CDK19: variants seen among roughly 807,000 people sequenced by gnomAD.
CDK19 encodes the protein cyclin dependent kinase 19.
CDK19 carries 20 observed loss-of-function variants against 68.3 expected under a neutral mutation model. The ratio of observed to expected loss-of-function variants is 0.29; its 90% CI spans 0.21 to 0.43. The LOEUF is 0.43. CDK19 is among the 20% of genes least tolerant of loss of function. CDK19 has a pLI of 1.00. For synonymous variants in CDK19, 221 were observed against 222.8 expected (o/e 0.99, Z 0.07); for missense variants, 339 against 623.5 (o/e 0.54, Z 4.86).
At chr6:110,795,046 T>C (rs1583119367) in intron 1 of CDK19, among the ~76,000 whole-genome samples, 1 of 152,184 alleles carries the variant, frequency 6.6e-6, no homozygotes, top group East Asian at 1.9e-4. Context: ...CACAGCTCAC[T>C]GTAGCCTCAA....
intron 4 of CDK19, among the ~76,000 whole-genome samples, chr6:110,660,284 G>A (rs567829582): frequency 6.6e-6 from 1 of 152,222 alleles, no homozygotes; most frequent in South Asian, 2.1e-4. Context: ...GCAGGCGAGT[G>A]GGTACAGGAG....
chr6:110,670,612 C>T (rs1402087797), intron 2 of CDK19, 71 bp from the exon 3 acceptor site: 6 of 892,912 alleles, frequency 6.7e-6, no homozygotes, highest in Non-Finnish European at 1.1e-5. Flanking sequence ...TGTCTTATAA[C>T]TTCAAAACGA....
intron 2 of CDK19, 136 bp from the exon 3 acceptor site, chr6:110,670,677 C>T (rs972224225): frequency 1.5e-6 from 1 of 663,210 alleles, no homozygotes; most frequent in Non-Finnish European, 2.7e-6. Context: ...AAAAATACCA[C>T]CCAAAATACT....
Position 110,613,077 on chromosome 6 carries a change from A to T in CDK19, c.*1458T>A, listed in dbSNP as rs752393765. ...GGCTGGTGCTGCTAGTAGCATTCAG[A>T]AGAACACAAATTTCTTGCCCCTTAC... On this transcript the variant is annotated 3_prime_UTR_variant, in exon 13 of 13. Transcript: ENST00000368911. 4 of 152,636 alleles carry T rather than the reference A, an allele frequency of 2.6e-5. No homozygotes were observed. The highest frequency in any genetic ancestry group is 4.4e-5 in the Non-Finnish European group (3 of 68,044). The allele number at this position is 152,636 out of a possible 1,614,324, so 9.5% of individuals were successfully genotyped here.
chr6:110,754,875 T>C (rs568766854), intron 1 of CDK19, among the ~76,000 whole-genome samples: 2 of 152,284 alleles, frequency 1.3e-5, no homozygotes, highest in South Asian at 2.1e-4. Context: ...TAATAAGTGA[T>C]GTGAGGCATT....
At chr6:110,714,598 A>G (rs1775220136) in intron 2 of CDK19, among the ~76,000 whole-genome samples, 1 of 151,798 alleles carries the variant, frequency 6.6e-6, no homozygotes, top group South Asian at 2.1e-4. Context: ...TTACCATTCT[A>G]ATGGGTGTGA....
chr6:110,698,763 TA>T, intron 2 of CDK19, among the ~76,000 whole-genome samples: 1 of 152,238 alleles, frequency 6.6e-6, no homozygotes, highest in South Asian at 2.1e-4. Context: ...AAGTGCTCAT[TA>T]ACCAATGAGT....
Position 110,621,141 on chromosome 6 carries a change from G to A in CDK19, c.1340C>T (p.Ala447Val). The A allele has an allele frequency of 1.2e-6, 2 of 1,614,078 alleles. No individual in the cohort carries two copies. The highest frequency in any genetic ancestry group is 1.7e-6 in the Non-Finnish European group (2 of 1,179,976). The change falls in exon 12 of 13, where the codon GCA (alanine) becomes GTA (valine). Residue 447 changes from alanine (A) to valine (V), a missense_variant. Ala to Val is a moderately conservative substitution (Grantham distance 64). Coordinates refer to ENST00000368911, the MANE Select transcript of CDK19 (RefSeq NM_015076.5). This position sits in a 1 kb window ranked among gnomAD's most constrained non-coding sequence, Gnocchi z 5.4. ...GGGCATCACAGGTCCACCTGAGTTTGCGCCTGAAGGCCCTAGCCGTGGCTT... is the reference window on the plus strand; with the variant it reads ...GGGCATCACAGGTCCACCTGAGTTTACGCCTGAAGGCCCTAGCCGTGGCTT... ...NKKPRLGPSGANSGGPVMPSD... is the reference protein window; with the variant it reads ...NKKPRLGPSGVNSGGPVMPSD...
chr6:110,684,880 T>A (rs1562195254), intron 2 of CDK19, among the ~76,000 whole-genome samples: 1 of 152,182 alleles, frequency 6.6e-6, no homozygotes, highest in African/African-American at 2.4e-5. Context: ...GGCTCACACC[T>A]GTAATCCCAG....
chr6:110,757,832 C>T (rs1778937706), intron 1 of CDK19, among the ~76,000 whole-genome samples: 1 of 152,096 alleles, frequency 6.6e-6, no homozygotes, highest in African/African-American at 2.4e-5. Context: ...AACTTTTCTG[C>T]TTTTACAGAA....
At chr6:110,674,776 C>T (rs532195197) in intron 2 of CDK19, among the ~76,000 whole-genome samples, 2 of 152,014 alleles carry the variant, frequency 1.3e-5, no homozygotes, top group African/African-American at 2.4e-5. Flanking sequence ...GTGGCAGGTA[C>T]CTGTAATGCT....
chr6:110,743,724 A>G (rs116885666), intron 2 of CDK19, among the ~76,000 whole-genome samples: 4,119 of 152,228 alleles, frequency 0.027, 79 homozygotes, highest in South Asian at 0.084. Flanking sequence ...ATAAAGACAC[A>G]CATGCCCATG....
At chr6:110,744,019 T>TTG in intron 2 of CDK19, among the ~76,000 whole-genome samples, 1 of 148,526 alleles carries the variant, frequency 6.7e-6, no homozygotes, top group East Asian at 2.0e-4. Flanking sequence ...ACGTTTTTTT[T>TTG]TTTTTTTTTT....
At chr6:110,659,679 C>T (rs771781306) in intron 4 of CDK19, among the ~76,000 whole-genome samples, 1 of 152,072 alleles carries the variant, frequency 6.6e-6, no homozygotes, top group African/African-American at 2.4e-5. Flanking sequence ...AATATATCCT[C>T]TGAACTTAAG....
intron 1 of CDK19, among the ~76,000 whole-genome samples, chr6:110,757,554 T>C (rs985431615): frequency 6.6e-6 from 1 of 152,234 alleles, no homozygotes; most frequent in African/African-American, 2.4e-5. Context: ...TATTATGATA[T>C]GGTTAATTTT....
intron 2 of CDK19, among the ~76,000 whole-genome samples, chr6:110,688,714 G>C (rs1232544471): frequency 6.6e-6 from 1 of 152,172 alleles, no homozygotes; most frequent in Non-Finnish European, 1.5e-5. Context: ...AGAAAGGTAG[G>C]AGCAGCAGTG....
At chr6:110,736,140 G>A (rs532101954) in intron 2 of CDK19, among the ~76,000 whole-genome samples, 90 of 152,226 alleles carry the variant, frequency 5.9e-4, no homozygotes, top group African/African-American at 2.1e-3. Flanking sequence ...TTGGGAGTTC[G>A]AGACCAGCCT....
intron 1 of CDK19, among the ~76,000 whole-genome samples, chr6:110,790,305 G>A (rs1781501497): frequency 6.6e-6 from 1 of 152,162 alleles, no homozygotes; most frequent in African/African-American, 2.4e-5. Flanking sequence ...GGAGGCGGAG[G>A]CAGGTAAATC....
At chr6:110,699,217 G>A (rs1362546229) in intron 2 of CDK19, among the ~76,000 whole-genome samples, 1 of 152,048 alleles carries the variant, frequency 6.6e-6, no homozygotes, top group African/African-American at 2.4e-5. Context: ...CTGAGGTCAG[G>A]AGTTCAAGAC....
Sources: gnomAD v4.1 joint callset for allele counts (sites outside exome capture counted in the v4.1 genomes callset) on GRCh38, gnomAD v4.1.1 for gene constraint, Gnocchi (gnomAD v3.1) non-coding constraint, MANE v1.5 for transcripts, NCBI Gene and HGNC (gene_info 2026-07-23, HGNC 2026-07-21) for gene names.